Variants in ZNF469 observed in about 807,000 individuals in gnomAD.
ZNF469 encodes the protein zinc finger protein 469.
In ZNF469, 1 loss-of-function variant was observed where a neutral mutation model predicts 1.0. That is an observed-to-expected ratio of 1.00 (90% CI 0.35 to 4.73). The LOEUF is 4.73. ZNF469 is among the 30% of genes most tolerant of loss of function. ZNF469 has a pLI of 0.16. For synonymous variants in ZNF469, 2,703 were observed against 2,363.4 expected, an observed-to-expected ratio of 1.14 and a Z score of -4.17; for missense variants, 6,100 against 5,356.3, an observed-to-expected ratio of 1.14 and a Z score of -4.33.
chr16:88,317,076 G>C, the ZNF469 span, among the ~76,000 whole-genome samples: 2 of 152,168 alleles, frequency 1.3e-5, no homozygotes, highest in African/African-American at 4.8e-5. Flanking sequence ...GAGAGGGGCC[G>C]GCCGGCCAGA....
chr16:88,201,003 C>A, the ZNF469 span, among the ~76,000 whole-genome samples: 3 of 152,344 alleles, frequency 2.0e-5, no homozygotes, highest in East Asian at 3.9e-4. The surrounding 1 kb of genome is among the most constrained non-coding windows in gnomAD (Gnocchi z 5.0). Flanking sequence ...AGCTGACTCC[C>A]GTCTTTCTTT....
chr16:88,330,862 C>T, the ZNF469 span, among the ~76,000 whole-genome samples: 2 of 152,222 alleles, frequency 1.3e-5, no homozygotes, highest in Non-Finnish European at 2.9e-5. Context: ...GACACATTCC[C>T]TGTGCAGCAA....
At chr16:88,279,569 A>G in the ZNF469 span, among the ~76,000 whole-genome samples, 1,671 of 45,014 alleles carry the variant, frequency 0.037, 325 homozygotes, top group South Asian at 0.057. Context: ...TTAGTGCTGC[A>G]CCACACTGAC....
the ZNF469 span, among the ~76,000 whole-genome samples, chr16:88,259,284 C>T: frequency 7.3e-6 from 1 of 136,510 alleles, no homozygotes; most frequent in East Asian, 2.6e-4. This position sits in a 1 kb window ranked among gnomAD's most constrained non-coding sequence, Gnocchi z 4.1. Flanking sequence ...AGAGAGGTGT[C>T]CTCGGTGGGT....
At chr16:88,394,417 C>T (rs1307041992) in intron 1 of ZNF469, among the ~76,000 whole-genome samples, 2 of 152,238 alleles carry the variant, frequency 1.3e-5, no homozygotes, top group Non-Finnish European at 2.9e-5. Context: ...TTTAGCCCGG[C>T]ATAACCGCAA....
the ZNF469 span, among the ~76,000 whole-genome samples, chr16:88,206,569 C>A: frequency 0.025 from 3,788 of 151,924 alleles, 76 homozygotes; most frequent in African/African-American, 0.062. Context: ...GACAAAAAAA[C>A]AAACAAACAA....
At chr16:88,270,258 G>A in the ZNF469 span, among the ~76,000 whole-genome samples, 1 of 152,048 alleles carries the variant, frequency 6.6e-6, no homozygotes, top group South Asian at 2.1e-4. Context: ...CTTGACCTTC[G>A]GCCTCCCAGC....
At chr16:88,366,218 C>G in the ZNF469 span, among the ~76,000 whole-genome samples, 1 of 151,230 alleles carries the variant, frequency 6.6e-6, no homozygotes, top group Admixed American at 6.6e-5. Flanking sequence ...ATCATCATCA[C>G]CACCATCATA....
chr16:88,315,818 G>C, the ZNF469 span, among the ~76,000 whole-genome samples: 1 of 152,326 alleles, frequency 6.6e-6, no homozygotes, highest in African/African-American at 2.4e-5. Context: ...GGCCAAGGGG[G>C]TGGGAGACAC....
At chr16:88,112,751 G>GCT in the ZNF469 span, among the ~76,000 whole-genome samples, 1 of 141,014 alleles carries the variant, frequency 7.1e-6, no homozygotes, top group Non-Finnish European at 1.5e-5. Flanking sequence ...ACTCTGGATT[G>GCT]CTCTCTCTGC....
the ZNF469 span, among the ~76,000 whole-genome samples, chr16:88,193,269 G>C: frequency 6.9e-6 from 1 of 144,138 alleles, no homozygotes; most frequent in Non-Finnish European, 1.5e-5. Flanking sequence ...TGGTGGTAGT[G>C]GTGATGGTGG....
chr16:88,203,357 C>T, the ZNF469 span, among the ~76,000 whole-genome samples: 8 of 152,164 alleles, frequency 5.3e-5, no homozygotes, highest in Non-Finnish European at 7.4e-5. Context: ...CCACCGTCAG[C>T]GAGTCCGCAC....
rs186163911 is a variant in ZNF469, at chr16:88,424,630, G to A, written c.-191-177G>A. Among the ~76,000 whole-genome samples, 172 of 152,086 alleles carry A rather than the reference G, an allele frequency of 1.1e-3. 5 individuals are homozygous for A. In the South Asian group the frequency reaches 0.033, roughly 29 times the overall value. On this transcript the variant is annotated intron_variant, in intron 1 of 2. Coordinates refer to ENST00000565624, the MANE Select transcript of ZNF469 (RefSeq NM_001367624.2). The surrounding 1 kb of genome is among the most constrained non-coding windows in gnomAD (Gnocchi z 4.3). ...GTCCCCCGGGCCAGCTGAGCTGCCC[G>A]CTGGCCTCTGAGGGGAGCTCACCCA...
At chr16:88,185,577 C>T in the ZNF469 span, among the ~76,000 whole-genome samples, 1 of 152,034 alleles carries the variant, frequency 6.6e-6, no homozygotes, top group Admixed American at 6.6e-5. Context: ...GAATATAGTA[C>T]TCGCACACAC....
At chr16:88,382,291 C>T (rs1460746466), upstream of ZNF469, among the ~76,000 whole-genome samples, 1 of 152,222 alleles carries the variant, frequency 6.6e-6, no homozygotes, top group Non-Finnish European at 1.5e-5. Flanking sequence ...CTTCTTCAGG[C>T]CTTGGTTTCC....
Position 88,435,529 on chromosome 16 carries a change from G to A in ZNF469, c.8059G>A (p.Ala2687Thr), listed in dbSNP as rs1906508759. 1.9e-6 allele frequency: 3 copies of A among 1,549,468 alleles called. No individual in the cohort carries two copies. Among genetic ancestry groups the A allele is most frequent in the South Asian group, 1.2e-5 (1 of 84,064 alleles). Residue 2687 changes from alanine (A) to threonine (T), a missense_variant, in exon 3 of 3, where the codon GCT becomes ACT. Physicochemically the swap from Ala to Thr is moderately conservative, Grantham distance 58 (BLOSUM62 0). Transcript: ENST00000565624. ...CCTCTCTGTGGAAGGAGGGCCTGAGGCTGACGGGGAGCAGCCGCCTCGCTT... is the reference window on the plus strand; with the variant it reads ...CCTCTCTGTGGAAGGAGGGCCTGAGACTGACGGGGAGCAGCCGCCTCGCTT... ...HCLSVEGGPE[A>T]DGEQPPRLAT...
At chr16:88,162,963 G>A in the ZNF469 span, among the ~76,000 whole-genome samples, 1 of 152,234 alleles carries the variant, frequency 6.6e-6, no homozygotes, top group Admixed American at 6.5e-5. Flanking sequence ...GGATGGTTGG[G>A]GAGGGAGTAG....
chr16:88,301,203 A>G, the ZNF469 span, among the ~76,000 whole-genome samples: 1 of 151,420 alleles, frequency 6.6e-6, no homozygotes, highest in Non-Finnish European at 1.5e-5. Context: ...CACCTGGGCT[A>G]GAGTGCAGTG....
At position 88,438,234 on chromosome 16, in the gene ZNF469, G is replaced by C. The variant is rs1340735951; in HGVS notation, c.10764G>C (p.Gly3588=). 2 of 1,547,472 alleles carry C rather than the reference G, an allele frequency of 1.3e-6. No individual in the cohort carries two copies. The highest frequency in any genetic ancestry group is 1.7e-6 in the Non-Finnish European group (2 of 1,145,076). The change falls in exon 3 of 3, where the codon GGG becomes GGC. Residue 3588 remains glycine, a synonymous_variant. Transcript: ENST00000565624. ...PENEASPGSP[G]PLLQQALPLG... is the part of the protein sequence containing the mutation. ...ACGAGGCTTCCCCAGGCAGCCCCGG[G>C]CCTCTTCTCCAGCAAGCTCTCCCTC... is the stretch of plus-strand genomic sequence containing the variant.
Sources: gnomAD v4.1 joint callset for allele counts (sites outside exome capture counted in the v4.1 genomes callset) on GRCh38, gnomAD v4.1.1 for gene constraint, Gnocchi (gnomAD v3.1) non-coding constraint, MANE v1.5 for transcripts, NCBI Gene and HGNC (gene_info 2026-07-23, HGNC 2026-07-21) for gene names.